ZNF730: variants seen among roughly 807,000 people sequenced by gnomAD.
The protein encoded by ZNF730 is putative zinc finger protein 730.
ZNF730 carries 12 observed loss-of-function variants against 12.6 expected under a neutral mutation model. The observed-to-expected ratio is 0.95, with a 90% confidence interval of 0.61 to 1.54. The LOEUF is 1.54. ZNF730 is among the 40% of genes most tolerant of loss of function. The probability of loss-of-function intolerance (pLI) is 0.00; values close to 1 mark genes in which losing one functional copy is unlikely to be tolerated. For missense variants in ZNF730, 643 were observed against 583.5 expected (o/e 1.10, Z -1.05); for synonymous variants, 194 against 195.8 (o/e 0.99, Z 0.08).
At chr19:23,093,492 A>ACC (rs960174674) in intron 1 of ZNF730, among the ~76,000 whole-genome samples, 13 of 152,076 alleles carry the variant, frequency 8.5e-5, no homozygotes, top group Non-Finnish European at 1.6e-4. Flanking sequence ...GTTAGGGGGT[A>ACC]CCCCTGCTTG....
At chr19:23,083,267 TACAAAAATTAGCCAGGCATGGTGGC>T (rs1969997335) in intron 1 of ZNF730, among the ~76,000 whole-genome samples, 1 of 151,138 alleles carries the variant, frequency 6.6e-6, no homozygotes, top group Non-Finnish European at 1.5e-5. Context: ...CTACTGAAAA[TACAAAAATTAGCCAGGCATGGTGGC>T]ACATGCCTGT....
At chr19:23,099,994 G>A (rs1970310828) in intron 1 of ZNF730, 1 of 152,170 alleles carries the variant, frequency 6.6e-6, no homozygotes, top group African/African-American at 2.4e-5. Flanking sequence ...GGTGTATTGT[G>A]ACATATTGTT....
chr19:23,087,228 T>A (rs1471861799), intron 1 of ZNF730, among the ~76,000 whole-genome samples: 1 of 152,082 alleles, frequency 6.6e-6, no homozygotes, highest in Non-Finnish European at 1.5e-5. Context: ...GCCAACATGG[T>A]GAAATCTTGT....
intron 1 of ZNF730, among the ~76,000 whole-genome samples, chr19:23,096,931 TTA>T (rs1970261420): frequency 6.6e-6 from 1 of 152,184 alleles, no homozygotes; most frequent in African/African-American, 2.4e-5. Context: ...CACAAAAGTG[TTA>T]TGACATCTTT....
intron 1 of ZNF730, among the ~76,000 whole-genome samples, chr19:23,092,528 G>A (rs1970175653): frequency 6.6e-6 from 1 of 152,182 alleles, no homozygotes; most frequent in African/African-American, 2.4e-5. Context: ...GGCAGAGGTT[G>A]CGGTGAGCCA....
chr19:23,134,386 G>A (rs1249839952), intron 2 of ZNF730, among the ~76,000 whole-genome samples, 180 bp downstream of exon 2: 2 of 144,800 alleles, frequency 1.4e-5, no homozygotes, highest in African/African-American at 5.1e-5. Context: ...GGAGGGAGGT[G>A]GGGGGGTCAG....
At chr19:23,090,439 A>C (rs1970138226) in intron 1 of ZNF730, among the ~76,000 whole-genome samples, 1 of 152,310 alleles carries the variant, frequency 6.6e-6, no homozygotes, top group African/African-American at 2.4e-5. Context: ...GCAGAAAAGC[A>C]TTCAAGAGGT....
chr19:23,130,456 A>G (rs1352650998), intron 1 of ZNF730, among the ~76,000 whole-genome samples: 2 of 152,154 alleles, frequency 1.3e-5, no homozygotes, highest in Non-Finnish European at 2.9e-5. Context: ...CAACTGAATA[A>G]AGGTTGAATT....
chr19:23,089,703 C>T (rs2453973), intron 1 of ZNF730, among the ~76,000 whole-genome samples: 65,066 of 151,978 alleles, frequency 0.43, 15,808 homozygotes, highest in African/African-American at 0.68. Flanking sequence ...TTTTCTTCCC[C>T]GTCCTGGTTA....
chr19:23,140,576 A>G (rs1599601197), intron 3 of ZNF730, among the ~76,000 whole-genome samples: 1 of 147,232 alleles, frequency 6.8e-6, no homozygotes, highest in East Asian at 2.0e-4. Context: ...GCGCCACTGC[A>G]CTCCAGCCTG....
chr19:23,136,308 T>C (rs963791399), intron 3 of ZNF730, among the ~76,000 whole-genome samples: 4 of 152,238 alleles, frequency 2.6e-5, no homozygotes, highest in African/African-American at 9.6e-5. Flanking sequence ...TCATGGCATA[T>C]AATAGACTGC....
rs184103821 is a variant in ZNF730 at position 23,117,144 on chromosome 19, A to G, written c.-30A>G. 5.1e-4 allele frequency: 822 copies of G among 1,613,654 alleles called. 13 individuals carry two copies. The South Asian group carries it at 5.8e-3, about 11-fold the overall frequency. ...TGCGGGTATTGGGAGATCCACAGCT[A>G]AGACGCCAGGGCCCCCTGGAAGCCT... On this transcript the variant is annotated 5_prime_UTR_variant, in exon 1 of 4. Transcript: ENST00000597761.
At chr19:23,130,588 GGTT>G (rs1217561473) in intron 1 of ZNF730, among the ~76,000 whole-genome samples, 2 of 152,192 alleles carry the variant, frequency 1.3e-5, no homozygotes, top group Non-Finnish European at 2.9e-5. Context: ...TGAACAGAAG[GGTT>G]GTTATGATTA....
At chr19:23,101,344 G>A (rs918795757) in intron 1 of ZNF730, among the ~76,000 whole-genome samples, 7 of 152,194 alleles carry the variant, frequency 4.6e-5, no homozygotes, top group Admixed American at 4.6e-4. Flanking sequence ...ACACATAAGA[G>A]TCTGTGACTT....
At chr19:23,113,995 T>C (rs1970484816), upstream of ZNF730, among the ~76,000 whole-genome samples, 1 of 152,234 alleles carries the variant, frequency 6.6e-6, no homozygotes, top group African/African-American at 2.4e-5. Context: ...TAACTGAATG[T>C]GTAAATAGAC....
intron 1 of ZNF730, chr19:23,126,710 A>G (rs1970674867): frequency 2.1e-6 from 1 of 475,518 alleles, no homozygotes; most frequent in African/African-American, 2.1e-5. Context: ...TAAAATCTAT[A>G]AGTTCTTGTT....
Position 23,089,301 on chromosome 19 carries a change from G to A in ZNF730, c.-94+13914G>A, listed in dbSNP as rs116484059. On this transcript the variant is annotated intron_variant, in intron 1 of 2. Transcript: ENST00000593635. ...GGCTTCTGGCAACCTTTGTCTCCTA[G>A]GTTCAAGCAATTCTCCTGCCTCAGT... Among the ~76,000 whole-genome samples, 1,420 of 152,090 alleles carry A rather than the reference G, an allele frequency of 9.3e-3. 14 individuals are homozygous for A. The highest frequency in any genetic ancestry group is 0.032 in the African/African-American group (1,312 of 41,486).
chr19:23,083,078 AAC>A (rs1969992803), intron 1 of ZNF730, among the ~76,000 whole-genome samples: 1 of 152,160 alleles, frequency 6.6e-6, no homozygotes, highest in South Asian at 2.1e-4. Flanking sequence ...TGCTGCAATA[AAC>A]ACGGGAATGC....
At chr19:23,138,805 A>G (rs1162117869) in intron 3 of ZNF730, among the ~76,000 whole-genome samples, 2 of 152,200 alleles carry the variant, frequency 1.3e-5, no homozygotes, top group Admixed American at 1.3e-4. Flanking sequence ...GCCTGAAGCA[A>G]TTCTTCAGCC....
Sources: gnomAD v4.1 joint callset for allele counts (sites outside exome capture counted in the v4.1 genomes callset) on GRCh38, gnomAD v4.1.1 for gene constraint, MANE v1.5 for transcripts, NCBI Gene and HGNC (gene_info 2026-07-23, HGNC 2026-07-21) for gene names.